The following CROCC2 variants were observed in gnomAD, a reference collection of about 807,000 sequenced individuals.
CROCC2 encodes ciliary rootlet coiled-coil, rootletin family member 2.
CROCC2 carries 163 observed loss-of-function variants against 177.6 expected under a neutral mutation model. The observed-to-expected ratio is 0.92, with a 90% CI of 0.81 to 1.05. The LOEUF is 1.05. Among genes scored for constraint, CROCC2 ranks in the 50% least tolerant of loss-of-function variants. The pLI is 0.00. For synonymous variants in CROCC2, 904 were observed against 787.3 expected (o/e 1.15, Z -2.48); for missense variants, 1,929 against 1,797.8 (o/e 1.07, Z -1.32).
intron 5 of CROCC2, among the ~76,000 whole-genome samples, chr2:240,928,307 G>A (rs1013931125): frequency 3.3e-5 from 5 of 152,170 alleles, no homozygotes; most frequent in African/African-American, 1.2e-4. Flanking sequence ...AGACTATCCT[G>A]GTGATGTAGT....
At chr2:240,991,115 C>T (rs1253489471) in intron 30 of CROCC2, 81 bp from the exon 31 acceptor site, 12 of 1,053,296 alleles carry the variant, frequency 1.1e-5, no homozygotes, top group Non-Finnish European at 1.5e-5. Context: ...CTTCCTGTCA[C>T]AGAGCCCTCC....
intron 1 of CROCC2, among the ~76,000 whole-genome samples, chr2:240,914,171 C>T (rs574596437): frequency 5.9e-5 from 9 of 152,316 alleles, no homozygotes; most frequent in East Asian, 5.8e-4. Flanking sequence ...CAGACACCGC[C>T]GCTGGGAAGG....
intron 10 of CROCC2, 26 bp downstream of exon 10, chr2:240,933,368 C>T: frequency 6.8e-7 from 1 of 1,480,854 alleles, no homozygotes. Context: ...GGTTGCACGG[C>T]CTTGCACAGG....
rs755923608 is a variant in CROCC2 at position 240,961,561 on chromosome 2, ACT to A, written c.3088-1993_3088-1992del. 4.4e-4 allele frequency among the ~76,000 whole-genome samples: 63 copies of A among 143,352 alleles called. 1 individual carries two copies. Among genetic ancestry groups the A allele is most frequent in the Admixed American group, 1.0e-3 (15 of 14,364 alleles). 94.0% of individuals were successfully genotyped at this position (143,352 alleles called of 152,430 possible). On this transcript the variant is annotated intron_variant, in intron 20 of 31. Coordinates refer to ENST00000690015, the MANE Select transcript of CROCC2 (RefSeq NM_001351305.2). Reference sequence around the variant, plus strand: ...TGGCTCACACACACACACTCATCACACTCACACACTCATCACACATACACTCA... The same window carrying A: ...TGGCTCACACACACACACTCATCACACACACACTCATCACACATACACTCA...
rs1447817279 is a variant in CROCC2 at position 240,959,433 on chromosome 2, G to A, written c.3076G>A (p.Val1026Met). 1.9e-6 allele frequency: 3 copies of A among 1,550,264 alleles called. No homozygotes were observed. Among genetic ancestry groups the A allele is most frequent in the African/African-American group, 1.4e-5 (1 of 73,056 alleles). Reference protein sequence around the residue: ...LQDLAAERGDVEREAERLRAQ... With the variant: ...LQDLAAERGDMEREAERLRAQ... ...GGACCTAGCGGCTGAGCGGGGCGAT[G>A]TGGAGAGAGAGGTGAGAGGCAGGGC... The change falls in exon 20 of 32, where the codon GTG (valine) becomes ATG (methionine). Residue 1026 changes from valine to methionine, a missense_variant. This residue lies in a region of CROCC2 where 1,397 missense variants were observed against 1,239.9 expected (regional missense o/e 1.13). Coordinates refer to ENST00000690015, the MANE Select transcript of CROCC2 (RefSeq NM_001351305.2).
At chr2:240,916,697 C>T (rs1303800495) in intron 1 of CROCC2, among the ~76,000 whole-genome samples, 4 of 152,192 alleles carry the variant, frequency 2.6e-5, no homozygotes, top group Non-Finnish European at 4.4e-5. Flanking sequence ...AAGTTTACTC[C>T]GCGCTGCAGC....
chr2:240,934,647 C>G (rs931112049), intron 12 of CROCC2, among the ~76,000 whole-genome samples, 172 bp downstream of exon 12: 1 of 152,190 alleles, frequency 6.6e-6, no homozygotes, highest in Non-Finnish European at 1.5e-5. Context: ...TAGGCACCAG[C>G]CTGGCCCAGC....
rs754485954 is a variant in CROCC2 at position 240,929,732 on chromosome 2, G to A, written c.646-434G>A. The A allele has an allele frequency of 5.6e-5, 26 of 460,736 alleles. No individual in the cohort carries two copies. In the East Asian group the frequency reaches 6.8e-4, roughly 12 times the overall value. The allele number at this position is 460,736 out of a possible 1,614,324, so 28.5% of individuals were successfully genotyped here. On this transcript the variant is annotated intron_variant, in intron 5 of 31. Transcript: ENST00000690015. ...AGACTGTACTGGAGAAAGGCAGCCC[G>A]TCCTCTTCCATTGGAGTGGCAGGGC...
intron 27 of CROCC2, among the ~76,000 whole-genome samples, chr2:240,976,110 C>A (rs181720121): frequency 9.2e-5 from 14 of 152,362 alleles, no homozygotes; most frequent in Non-Finnish European, 1.9e-4. Context: ...GACACTGCAG[C>A]CCCACATGCT....
At chr2:240,967,749 G>A (rs879498690) in intron 26 of CROCC2, among the ~76,000 whole-genome samples, 15 of 151,844 alleles carry the variant, frequency 9.9e-5, no homozygotes, top group Non-Finnish European at 2.1e-4. Context: ...CCCCACCCTG[G>A]CCTCCTGCAG....
intron 18 of CROCC2, chr2:240,955,629 C>T (rs1011781843): frequency 3.5e-5 from 18 of 512,926 alleles, no homozygotes; most frequent in Middle Eastern, 5.1e-4. Flanking sequence ...GGGACGATGT[C>T]GGACAGAGGG....
At chr2:240,969,754 G>A (rs2059708804) in intron 27 of CROCC2, among the ~76,000 whole-genome samples, 1 of 152,134 alleles carries the variant, frequency 6.6e-6, no homozygotes, top group South Asian at 2.1e-4. Context: ...TTTTTGAGAT[G>A]GAGTCTCATT....
chr2:240,974,115 G>A (rs1025241489), intron 27 of CROCC2, among the ~76,000 whole-genome samples: 12 of 152,144 alleles, frequency 7.9e-5, no homozygotes, highest in Admixed American at 2.0e-4. Flanking sequence ...ACATGGTCTT[G>A]TCAGCAGTTA....
chr2:240,928,878 G>A (rs1426836977), intron 5 of CROCC2, among the ~76,000 whole-genome samples: 1 of 149,848 alleles, frequency 6.7e-6, no homozygotes, highest in Non-Finnish European at 1.5e-5. Flanking sequence ...AGGGTGTATG[G>A]CCAGGTATGG....
Position 240,982,916 on chromosome 2 carries a change from A to G in CROCC2, c.4438A>G (p.Ser1480Gly), listed in dbSNP as rs916679906. 5.8e-6 allele frequency: 9 copies of G among 1,550,110 alleles called. No individual in the cohort carries two copies. The African/African-American group carries it at 9.6e-5, about 17-fold the overall frequency. Residue 1480 changes from serine to glycine, a missense_variant, in exon 28 of 32, where the codon AGC (serine) becomes GGC (glycine). Coordinates refer to ENST00000690015, the MANE Select transcript of CROCC2 (RefSeq NM_001351305.2). The surrounding 1 kb of genome is among the most constrained non-coding windows in gnomAD (Gnocchi z 4.7). ...AACGCTGCGCCAGGCTCTTGAAGAG[A>G]GCAGGAGGCACAGCCAAGGTCTGGC... Reference protein sequence around the residue: ...LETLRQALEESRRHSQGLAKQ... With the variant: ...LETLRQALEEGRRHSQGLAKQ...
At position 240,930,284 on chromosome 2, in the gene CROCC2, C is replaced by T. The variant is rs368639991; in HGVS notation, c.749+15C>T. 1.6e-5 allele frequency: 8 copies of T among 502,492 alleles called. No homozygotes were observed. Among genetic ancestry groups the T allele is most frequent in the South Asian group, 1.0e-4 (3 of 30,118 alleles). The allele number at this position is 502,492 out of a possible 1,614,324, so 31.1% of individuals were successfully genotyped here. A position where few individuals can be genotyped will look rare whatever the true frequency, so the allele number is the denominator to read the frequency against. On this transcript the variant is annotated intron_variant, in intron 6 of 31. Coordinates refer to ENST00000690015, the MANE Select transcript of CROCC2 (RefSeq NM_001351305.2). ...GCCACTGAGAGGTGAGTGCCAGCCG[C>T]CCCACCTGGGGCCAGGCACCAGGCT...
chr2:240,947,306 CG>C (rs1437171271), intron 15 of CROCC2, among the ~76,000 whole-genome samples: 4 of 152,298 alleles, frequency 2.6e-5, no homozygotes, highest in Admixed American at 6.5e-5. Context: ...CTCCAAGGAC[CG>C]GGGTGGAGGT....
rs1021798282 is a variant in CROCC2, at chr2:240,972,117, T to C, written c.4401+3855T>C. ...TCTCAAACCCCAGTGGATACTAGTT[T>C]TGTGATTTTTTTCCTTTGCGTGTCT... On this transcript the variant is annotated intron_variant, in intron 27 of 31. Transcript: ENST00000690015. The surrounding 1 kb of genome is among the most constrained non-coding windows in gnomAD (Gnocchi z 7.1). Among the ~76,000 whole-genome samples, 1 of 152,186 alleles carries C rather than the reference T, an allele frequency of 6.6e-6. No individual in the cohort carries two copies. The highest frequency in any genetic ancestry group is 1.5e-5 in the Non-Finnish European group (1 of 68,042).
intron 7 of CROCC2, among the ~76,000 whole-genome samples, chr2:240,931,405 C>T (rs376764276): frequency 5.9e-5 from 9 of 152,332 alleles, no homozygotes; most frequent in African/African-American, 2.2e-4. Context: ...GGGGTCAGCA[C>T]CCAGAACTGG....
Sources: allele counts gnomAD v4.1 joint callset (sites outside exome capture counted in the v4.1 genomes callset), GRCh38; gene constraint gnomAD v4.1.1; regional missense constraint gnomAD v4.1.1; non-coding constraint Gnocchi (gnomAD v3.1); transcripts MANE v1.5; gene names NCBI Gene and HGNC (gene_info 2026-07-23, HGNC 2026-07-21).